Variants in EPN3 observed in about 807,000 individuals in gnomAD.
The protein encoded by EPN3 is epsin 3.
Under a neutral mutation model 55.5 loss-of-function variants are expected in EPN3, and 56 were observed. The observed-to-expected ratio is 1.01, with a 90% CI of 0.81 to 1.26. The LOEUF is 1.26. EPN3 is among the 50% of genes most tolerant of loss of function. The pLI, the probability that EPN3 is intolerant of heterozygous loss-of-function variation, is 0.00. For missense variants in EPN3, 927 were observed against 853.4 expected (o/e 1.09, Z -1.07); for synonymous variants, 449 against 375.2 (o/e 1.20, Z -2.27).
chr17:50,537,034 G>A lies in EPN3; in HGVS notation c.478G>A (p.Gly160Ser), dbSNP rs200115786. The change falls in exon 2 of 10, where the codon GGC becomes AGC. Residue 160 changes from glycine to serine, a missense_variant. Transcript: ENST00000268933. ...GGAGCGCATGGCACTGGAGGGCATC[G>A]GCATTGGCAGTGGGCAGCTGGGCTT... ...TKERMALEGI[G>S]IGSGQLGFSR... 13 of 1,612,896 alleles carry A rather than the reference G, an allele frequency of 8.1e-6. No individual in the cohort carries two copies. The East Asian group carries it at 1.3e-4, about 17-fold the overall frequency.
At chr17:50,534,786 C>T (rs2034734455) in intron 1 of EPN3, 2 of 433,042 alleles carry the variant, frequency 4.6e-6, no homozygotes, top group Non-Finnish European at 3.1e-6. Context: ...CCAGCACTGG[C>T]GGGGCTGGGG....
chr17:50,540,990 T>C lies in EPN3; in HGVS notation c.1177T>C (p.Ser393Pro). 1 of 1,608,564 alleles carries C rather than the reference T, an allele frequency of 6.2e-7. No individual in the cohort carries two copies. Among genetic ancestry groups the C allele is most frequent in the Non-Finnish European group, 8.5e-7 (1 of 1,177,572 alleles). The part of the protein sequence containing the change: ...PPTTDPWALN[S>P]PHHKLPSTGA... The stretch of plus-strand genomic sequence containing the variant: ...CACCACAGACCCCTGGGCCCTGAAC[T>C]CTCCCCACCACAAACTCCCCAGCAC... Residue 393 changes from serine to proline, a missense_variant, in exon 7 of 10, where the codon TCT becomes CCT. Coordinates refer to ENST00000268933, the MANE Select transcript of EPN3 (RefSeq NM_017957.3).
Position 50,536,197 on chromosome 17 carries a change from G to A in EPN3, c.-136-224G>A, listed in dbSNP as rs574600908. On this transcript the variant is annotated intron_variant, in intron 1 of 9. Coordinates refer to ENST00000268933, the MANE Select transcript of EPN3 (RefSeq NM_017957.3). ...GCCCCACCTTTCCCATCTGTGGATG[G>A]AGGTAATGATAATAGCATCTTTGGG... is the stretch of plus-strand genomic sequence containing the variant. 4.1e-4 allele frequency: 111 copies of A among 272,782 alleles called. 1 individual carries two copies. In the South Asian group the frequency reaches 5.2e-3, roughly 13 times the overall value. 16.9% of individuals were successfully genotyped at this position (272,782 alleles called of 1,614,324 possible). A position where few individuals can be genotyped will look rare whatever the true frequency, so the allele number is the denominator to read the frequency against.
chr17:50,538,818 C>A (rs953711722), intron 3 of EPN3, 66 bp from the exon 4 acceptor site: 2 of 1,274,898 alleles, frequency 1.6e-6, no homozygotes, highest in Non-Finnish European at 2.2e-6. Context: ...CCAGGCAGGC[C>A]TATACTGCCC....
rs111678638 is a variant in EPN3, at chr17:50,541,911, G to C, written c.1653G>C (p.Gln551His). The part of the protein sequence containing the change: ...AGEPGRPTLN[Q>H]MRTGSPALGL... ...AGCCGGGCAGGCCGACGCTAAACCA[G>C]ATGCGCACCGGCTCGCCGGCGCTGG... Residue 551 changes from glutamine (Q) to histidine (H), a missense_variant, in exon 10 of 10, where the codon CAG (glutamine) becomes CAC (histidine). Transcript: ENST00000268933. The C allele has an allele frequency of 8.7e-6, 14 of 1,603,298 alleles. No homozygotes were observed. The South Asian group carries it at 9.9e-5, about 11-fold the overall frequency.
rs2034864274 is a variant in EPN3 at position 50,542,507 on chromosome 17, C to T, written c.*350C>T. 2 of 255,226 alleles carry T rather than the reference C, an allele frequency of 7.8e-6. No homozygotes were observed. The highest frequency in any genetic ancestry group is 2.3e-5 in the African/African-American group (1 of 44,032). 15.8% of individuals were successfully genotyped at this position (255,226 alleles called of 1,614,324 possible). A position where few individuals can be genotyped will look rare whatever the true frequency, so the allele number is the denominator to read the frequency against. On this transcript the variant is annotated 3_prime_UTR_variant, in exon 10 of 10. Coordinates refer to ENST00000268933, the MANE Select transcript of EPN3 (RefSeq NM_017957.3). ...GCTTCCTTTACAGCTCTTCTCAACCCTCACCTCCATCCCCCGTCACCCAGG... is the reference window on the plus strand; with the variant it reads ...GCTTCCTTTACAGCTCTTCTCAACCTTCACCTCCATCCCCCGTCACCCAGG...
chr17:50,540,208 C>A, intron 5 of EPN3, 39 bp from the exon 6 acceptor site: 1 of 1,570,976 alleles, frequency 6.4e-7, no homozygotes, highest in South Asian at 1.1e-5. Flanking sequence ...CTCCAGGCCC[C>A]GCCCACTTCT....
At position 50,538,586 on chromosome 17, in the gene EPN3, A is replaced by G. The variant is rs147951366; in HGVS notation, c.682-298A>G. On this transcript the variant is annotated intron_variant, in intron 3 of 9. Coordinates refer to ENST00000268933, the MANE Select transcript of EPN3 (RefSeq NM_017957.3). ...GGCCCCCGATATCATCATCTTTGCC[A>G]TTACCTCTGTGGATCCAGGAAGACC... is the stretch of plus-strand genomic sequence containing the variant. The G allele has an allele frequency of 1.2e-3, 512 of 414,180 alleles. 3 individuals are homozygous for G. The highest frequency in any genetic ancestry group is 9.0e-3 in the African/African-American group (439 of 48,830). 25.7% of individuals were successfully genotyped at this position (414,180 alleles called of 1,614,324 possible).
chr17:50,534,279 TG>T (rs2034726414), intron 1 of EPN3: 1 of 376,878 alleles, frequency 2.7e-6, no homozygotes, highest in African/African-American at 2.2e-5. Context: ...GTGCAGAGAA[TG>T]CCCACCTTCT....
chr17:50,541,619 G>C lies in EPN3; in HGVS notation c.1510G>C (p.Ala504Pro). The C allele has an allele frequency of 6.2e-7, 1 of 1,614,142 alleles. No individual in the cohort carries two copies. Among genetic ancestry groups the C allele is most frequent in the Non-Finnish European group, 8.5e-7 (1 of 1,180,026 alleles). ...RTPESFLGPS[A>P]SSLVNLDSLV... ...TCCCGAGTCCTTCCTGGGTCCCTCA[G>C]CTTCCTCCTTGGTCAACCTTGACTC... The change falls in exon 9 of 10, where the codon GCT (alanine) becomes CCT (proline). Residue 504 changes from alanine to proline, a missense_variant. Coordinates refer to ENST00000268933, the MANE Select transcript of EPN3 (RefSeq NM_017957.3).
intron 3 of EPN3, 79 bp downstream of exon 3, chr17:50,538,276 C>T (rs1397121818): frequency 8.7e-7 from 1 of 1,147,240 alleles, no homozygotes; most frequent in African/African-American, 1.5e-5. Context: ...TTGGCCTTGA[C>T]TCAGGCTCTG....
Position 50,533,092 on chromosome 17 carries a change from G to A in EPN3, c.-137+107G>A, listed in dbSNP as rs112115528. 417 of 669,300 alleles carry A rather than the reference G, an allele frequency of 6.2e-4. 3 individuals are homozygous for A. In the African/African-American group the frequency reaches 7.0e-3, roughly 11 times the overall value. The allele number at this position is 669,300 out of a possible 1,614,324, so 41.5% of individuals were successfully genotyped here. On this transcript the variant is annotated intron_variant, in intron 1 of 9. Coordinates refer to ENST00000268933, the MANE Select transcript of EPN3 (RefSeq NM_017957.3). Reference sequence around the variant, plus strand: ...GCTTAGTCTCTTTTCCAGGTGCGAGGGAGAAGGCTGAGCTGTAGAGGACCT... The same window carrying A: ...GCTTAGTCTCTTTTCCAGGTGCGAGAGAGAAGGCTGAGCTGTAGAGGACCT...
chr17:50,536,891 T>C lies in EPN3; in HGVS notation c.335T>C (p.Ile112Thr), dbSNP rs1253580526. 6.2e-7 allele frequency: 1 copy of C among 1,614,094 alleles called. No homozygotes were observed. ...TIQTLKDFQY[I>T]DRDGKDQGVN... ...CAGACACTCAAGGACTTCCAGTACA[T>C]CGACCGCGACGGCAAGGACCAGGGC... Residue 112 changes from isoleucine (I) to threonine (T), a missense_variant, in exon 2 of 10, where the codon ATC becomes ACC. Transcript: ENST00000268933.
At position 50,542,200 on chromosome 17, in the gene EPN3, T is replaced by C. The variant is rs1329740969; in HGVS notation, c.*43T>C. On this transcript the variant is annotated 3_prime_UTR_variant, in exon 10 of 10. Coordinates refer to ENST00000268933, the MANE Select transcript of EPN3 (RefSeq NM_017957.3). ...ACCGGCCTGCGCCTGCGCCGGACGCTCCGCGGCCCCGCCTCCGGACCCGGG... is the reference window on the plus strand; with the variant it reads ...ACCGGCCTGCGCCTGCGCCGGACGCCCCGCGGCCCCGCCTCCGGACCCGGG... The C allele has an allele frequency of 1.3e-5, 18 of 1,422,286 alleles. No individual in the cohort carries two copies. Among genetic ancestry groups the C allele is most frequent in the Non-Finnish European group, 1.6e-5 (18 of 1,098,056 alleles). 88.1% of individuals were successfully genotyped at this position (1,422,286 alleles called of 1,614,324 possible). A position where few individuals can be genotyped will look rare whatever the true frequency, so the allele number is the denominator to read the frequency against.
In EPN3 at chr17:50,541,225, C is replaced by T. The variant is rs374249959; in HGVS notation, c.1250-4C>T. On this transcript the variant is annotated splice_region_variant and splice_polypyrimidine_tract_variant and intron_variant, in intron 7 of 9. Transcript: ENST00000268933. Reference sequence around the variant, plus strand: ...CCATCTCCTCTTCCTCTCTCTCTTCCGAGGTGGTGCCTCGACCTTTGACCC... The same window carrying T: ...CCATCTCCTCTTCCTCTCTCTCTTCTGAGGTGGTGCCTCGACCTTTGACCC... The T allele has an allele frequency of 8.1e-6, 13 of 1,613,572 alleles. No individual in the cohort carries two copies. The highest frequency in any genetic ancestry group is 1.3e-5 in the African/African-American group (1 of 74,916).
chr17:50,541,941 G>A lies in EPN3; in HGVS notation c.1683G>A (p.Leu561=), dbSNP rs772645150. ...QMRTGSPALG[L]AGGPVGAPLG... ...GCACCGGCTCGCCGGCGCTGGGCCTGGCAGGCGGGCCTGTGGGGGCGCCCC... is the reference window on the plus strand; with the variant it reads ...GCACCGGCTCGCCGGCGCTGGGCCTAGCAGGCGGGCCTGTGGGGGCGCCCC... Residue 561 remains leucine, a synonymous_variant, in exon 10 of 10, where the codon CTG becomes CTA. Transcript: ENST00000268933. 6 of 1,597,614 alleles carry A rather than the reference G, an allele frequency of 3.8e-6. No individual in the cohort carries two copies. Among genetic ancestry groups the A allele is most frequent in the Non-Finnish European group, 5.1e-6 (6 of 1,177,690 alleles).
intron 5 of EPN3, 44 bp downstream of exon 5, chr17:50,539,359 G>A: frequency 6.2e-7 from 1 of 1,611,814 alleles, no homozygotes; most frequent in Non-Finnish European, 8.5e-7. Context: ...GGGCCTAAGA[G>A]ATGGACTGAG....
At chr17:50,533,159 A>G (rs979378184) in intron 1 of EPN3, among the ~76,000 whole-genome samples, 174 bp downstream of exon 1, 2 of 149,082 alleles carry the variant, frequency 1.3e-5, no homozygotes, top group African/African-American at 2.5e-5. Flanking sequence ...TGCCGCCCCC[A>G]AAAAGGGACT....
chr17:50,539,332 G>A lies in EPN3; in HGVS notation c.891+17G>A, dbSNP rs760684503. ...ACCAGCCAGGTAGGGAGTGGGCTGC[G>A]GTGCTTGGGATGGACAGGGCCTAAG... is the stretch of plus-strand genomic sequence containing the variant. On this transcript the variant is annotated intron_variant, in intron 5 of 9. Coordinates refer to ENST00000268933, the MANE Select transcript of EPN3 (RefSeq NM_017957.3). 8 of 1,613,582 alleles carry A rather than the reference G, an allele frequency of 5.0e-6. No individual in the cohort carries two copies. Among genetic ancestry groups the A allele is most frequent in the Middle Eastern group, 1.7e-4 (1 of 6,052 alleles).
Sources: gnomAD v4.1 joint callset for allele counts (sites outside exome capture counted in the v4.1 genomes callset) on GRCh38, gnomAD v4.1.1 for gene constraint, MANE v1.5 for transcripts, NCBI Gene and HGNC (gene_info 2026-07-23, HGNC 2026-07-21) for gene names.